KDELR1: variants seen among roughly 807,000 people sequenced by gnomAD.
The protein encoded by KDELR1 is ER lumen protein-retaining receptor 1.
Under a neutral mutation model 25.5 loss-of-function variants are expected in KDELR1, and 16 were observed. The observed-to-expected ratio is 0.63, with a 90% confidence interval of 0.43 to 0.95. The LOEUF (loss-of-function observed/expected upper bound fraction) is 0.95. Among genes scored for constraint, KDELR1 ranks in the 40% least tolerant of loss-of-function variants. The probability of loss-of-function intolerance (pLI) is 0.00; values close to 1 mark genes in which losing one functional copy is unlikely to be tolerated. For missense variants in KDELR1, 159 were observed against 265.2 expected (o/e 0.60, Z 2.78); for synonymous variants, 121 against 115.0 (o/e 1.05, Z -0.33).
the KDELR1 span, among the ~76,000 whole-genome samples, chr19:48,396,888 G>A: frequency 1.3e-5 from 2 of 152,076 alleles, no homozygotes; most frequent in Non-Finnish European, 2.9e-5. Context: ...CCTTCTGGAA[G>A]CCCCTAGTGC....
Position 48,388,081 on chromosome 19 carries a change from T to C in KDELR1, c.351+1472A>G, listed in dbSNP as rs150622183. Among the ~76,000 whole-genome samples, 306 of 152,352 alleles carry C rather than the reference T, an allele frequency of 2.0e-3. 1 individual carries two copies. The highest frequency in any genetic ancestry group is 6.9e-3 in the African/African-American group (288 of 41,584). ...ACAGCACTTCCTACCTCATCCCAGATACTGTGCTTTATTAATACCAACCTC... is the reference window on the plus strand; with the variant it reads ...ACAGCACTTCCTACCTCATCCCAGACACTGTGCTTTATTAATACCAACCTC... On this transcript the variant is annotated intron_variant, in intron 3 of 4. Coordinates refer to ENST00000330720, the MANE Select transcript of KDELR1 (RefSeq NM_006801.3).
At chr19:48,396,462 G>A (rs373726790), upstream of KDELR1, among the ~76,000 whole-genome samples, 60 of 152,134 alleles carry the variant, frequency 3.9e-4, 1 homozygote, top group African/African-American at 1.4e-3. Flanking sequence ...GCAGAGGAGG[G>A]GCTGGAGGGT....
chr19:48,397,375 C>T, the KDELR1 span, among the ~76,000 whole-genome samples: 8 of 152,044 alleles, frequency 5.3e-5, no homozygotes, highest in African/African-American at 1.9e-4. Context: ...TCCTGCCACT[C>T]GCCTTCCCCG....
At chr19:48,385,190 A>G (rs780480549) in intron 3 of KDELR1, among the ~76,000 whole-genome samples, 2 of 152,102 alleles carry the variant, frequency 1.3e-5, no homozygotes, top group Admixed American at 1.3e-4. Flanking sequence ...CCGGGCCCAC[A>G]TGCCATTTCT....
chr19:48,396,837 T>C, the KDELR1 span, among the ~76,000 whole-genome samples: 1 of 151,934 alleles, frequency 6.6e-6, no homozygotes, highest in South Asian at 2.1e-4. Context: ...GACAGGAGCA[T>C]GACAGCCAGG....
chr19:48,390,324 C>G, intron 2 of KDELR1, 100 bp downstream of exon 2: 1 of 843,664 alleles, frequency 1.2e-6, no homozygotes, highest in South Asian at 1.6e-5. Flanking sequence ...ACCCAGGAGT[C>G]CAGGCCCCCA....
chr19:48,390,017 C>T (rs1369235528), intron 2 of KDELR1, among the ~76,000 whole-genome samples: 1 of 146,564 alleles, frequency 6.8e-6, no homozygotes. Context: ...CCCCTCCTCC[C>T]TCAGACCCAG....
rs1970471423 is a variant in KDELR1 at position 48,383,347 on chromosome 19, G to T, written c.605-20C>A. 1 of 1,551,510 alleles carries T rather than the reference G, an allele frequency of 6.4e-7. No homozygotes were observed. Among genetic ancestry groups the T allele is most frequent in the African/African-American group, 1.4e-5 (1 of 73,178 alleles). Reference sequence around the variant, plus strand: ...TTAGGACTGTGAGGAGAGAAAACAGGGAGGGCATTACCGCTGGGGCCCCTG... The same window carrying T: ...TTAGGACTGTGAGGAGAGAAAACAGTGAGGGCATTACCGCTGGGGCCCCTG... On this transcript the variant is annotated intron_variant, in intron 4 of 4. Transcript: ENST00000330720.
Position 48,383,250 on chromosome 19 carries a change from T to C in KDELR1, c.*43A>G, listed in dbSNP as rs1383665652. The stretch of plus-strand genomic sequence containing the variant: ...CTCTTCATCTTCTGCCGCCTTCCTC[T>C]GCCTCCCGCTGCTGCCGAGGAGAGA... On this transcript the variant is annotated 3_prime_UTR_variant, in exon 5 of 5. Coordinates refer to ENST00000330720, the MANE Select transcript of KDELR1 (RefSeq NM_006801.3). 1 of 1,547,370 alleles carries C rather than the reference T, an allele frequency of 6.5e-7. No homozygotes were observed. Among genetic ancestry groups the C allele is most frequent in the South Asian group, 1.2e-5 (1 of 84,000 alleles).
At position 48,384,890 on chromosome 19, in the gene KDELR1, C is replaced by CTT. The variant is rs68111834; in HGVS notation, c.352-410_352-409dup. 1.3e-3 allele frequency among the ~76,000 whole-genome samples: 179 copies of CTT among 140,240 alleles called. 1 individual carries two copies. The highest frequency in any genetic ancestry group is 4.3e-3 in the South Asian group (19 of 4,400). The allele number at this position is 140,240 out of a possible 152,430, so 92.0% of individuals were successfully genotyped here. A position where few individuals can be genotyped will look rare whatever the true frequency, so the allele number is the denominator to read the frequency against. ...GAAATTTCCCTTCCTTTTTCTTTTTCTTTTTTTTTTTTTTGAGATGGAGTA... is the reference window on the plus strand; with the variant it reads ...GAAATTTCCCTTCCTTTTTCTTTTTCTTTTTTTTTTTTTTTTGAGATGGAGTA... On this transcript the variant is annotated intron_variant, in intron 3 of 4. Coordinates refer to ENST00000330720, the MANE Select transcript of KDELR1 (RefSeq NM_006801.3). The surrounding 1 kb of genome is among the most constrained non-coding windows in gnomAD (Gnocchi z 4.6).
Position 48,384,408 on chromosome 19 carries a change from G to A in KDELR1, c.426C>T (p.Gly142=), listed in dbSNP as rs773595691. ...AGTGGCTGGTGATGGTCTCCGCCTC[G>A]CCGGTCTTGCTCACCATGAACAGCT... ...LPQLFMVSKT[G]EAETITSHYL... The change falls in exon 4 of 5, where the codon GGC becomes GGT. Residue 142 remains glycine, a synonymous_variant. Coordinates refer to ENST00000330720, the MANE Select transcript of KDELR1 (RefSeq NM_006801.3). This position sits in a 1 kb window ranked among gnomAD's most constrained non-coding sequence, Gnocchi z 4.6. The A allele has an allele frequency of 1.9e-6, 3 of 1,613,836 alleles. No homozygotes were observed. Among genetic ancestry groups the A allele is most frequent in the South Asian group, 1.1e-5 (1 of 91,034 alleles).
At chr19:48,394,623 G>A (rs570783575), upstream of KDELR1, among the ~76,000 whole-genome samples, 9 of 152,260 alleles carry the variant, frequency 5.9e-5, no homozygotes, top group South Asian at 1.5e-3. The surrounding 1 kb of genome is among the most constrained non-coding windows in gnomAD (Gnocchi z 5.1). Flanking sequence ...AGGACACCCC[G>A]ACAGCCTCTG....
upstream of KDELR1, among the ~76,000 whole-genome samples, chr19:48,393,376 A>G (rs1303120898): frequency 6.6e-6 from 1 of 152,140 alleles, no homozygotes; most frequent in African/African-American, 2.4e-5. The surrounding 1 kb of genome is among the most constrained non-coding windows in gnomAD (Gnocchi z 5.6). Flanking sequence ...CAGAGCCTCA[A>G]GGCAGGGCGG....
rs1200074857 is a variant in KDELR1 at position 48,389,704 on chromosome 19, T to C, written c.200A>G (p.Tyr67Cys). 2.5e-6 allele frequency: 4 copies of C among 1,613,978 alleles called. No individual in the cohort carries two copies. Among genetic ancestry groups the C allele is most frequent in the Non-Finnish European group, 2.5e-6 (3 of 1,179,918 alleles). Residue 67 changes from tyrosine to cysteine, a missense_variant, in exon 3 of 5, where the codon TAC (tyrosine) becomes TGC (cysteine). Transcript: ENST00000330720. ...SLYNTCMKVV[Y>C]IACSFTTVWL... ...GACCGTGGTGAAGGAGCAGGCTATG[T>C]AGACCACCTGAGGAGGGGGATGATG... is the stretch of plus-strand genomic sequence containing the variant.
chr19:48,394,314 CA>C (rs1387038692), upstream of KDELR1, among the ~76,000 whole-genome samples: 2 of 150,504 alleles, frequency 1.3e-5, no homozygotes, highest in East Asian at 3.9e-4. This position sits in a 1 kb window ranked among gnomAD's most constrained non-coding sequence, Gnocchi z 5.1. Context: ...GTGGGGGAGT[CA>C]AGGGGGGGTC....
intron 1 of KDELR1, 81 bp downstream of exon 1, chr19:48,391,187 C>T: frequency 7.7e-7 from 1 of 1,291,246 alleles, no homozygotes; most frequent in Non-Finnish European, 1.1e-6. Flanking sequence ...CTAGTGCCCC[C>T]AAACCCTTCC....
chr19:48,391,222 C>T, intron 1 of KDELR1, 46 bp downstream of exon 1: 1 of 1,520,416 alleles, frequency 6.6e-7, no homozygotes, highest in Non-Finnish European at 8.9e-7. Context: ...TCCCCCAACC[C>T]CCGCCCGCAA....
At chr19:48,383,505 G>A (rs1163551827) in intron 4 of KDELR1, among the ~76,000 whole-genome samples, 178 bp from the exon 5 acceptor site, 1 of 151,852 alleles carries the variant, frequency 6.6e-6, no homozygotes, top group African/African-American at 2.4e-5. Context: ...CTCACTACTG[G>A]CAATTTTCTT....
upstream of KDELR1, among the ~76,000 whole-genome samples, chr19:48,392,640 C>G (rs1970572674): frequency 6.6e-6 from 1 of 152,204 alleles, no homozygotes; most frequent in South Asian, 2.1e-4. Context: ...GCACCTCACC[C>G]TGTTCTCCCA....
Sources: gnomAD v4.1 joint callset for allele counts (sites outside exome capture counted in the v4.1 genomes callset) on GRCh38, gnomAD v4.1.1 for gene constraint, Gnocchi (gnomAD v3.1) non-coding constraint, MANE v1.5 for transcripts, NCBI Gene and HGNC (gene_info 2026-07-23, HGNC 2026-07-21) for gene names.